ITFG2: variants seen among roughly 807,000 people sequenced by gnomAD.
ITFG2 encodes the protein KICSTOR complex protein ITFG2.
In ITFG2, 36 loss-of-function variants were observed where a neutral mutation model predicts 54.4. That is an observed-to-expected ratio of 0.66 (90% CI 0.51 to 0.87). The LOEUF is 0.87. Among genes scored for constraint, ITFG2 ranks in the 40% least tolerant of loss-of-function variants. The probability of loss-of-function intolerance (pLI) is 0.00; values close to 1 mark genes in which losing one functional copy is unlikely to be tolerated. For synonymous variants in ITFG2, 211 were observed against 225.4 expected (o/e 0.94, Z 0.57); for missense variants, 524 against 576.7 (o/e 0.91, Z 0.94).
downstream of ITFG2, among the ~76,000 whole-genome samples, chr12:2,829,970 AG>A (rs1313872526): frequency 7.3e-6 from 1 of 136,264 alleles, no homozygotes; most frequent in Non-Finnish European, 1.6e-5. Flanking sequence ...CCAGCTACTT[AG>A]GAGGCTGAGG....
chr12:2,823,075 GGTGAGTGATGTAAGTCTTCATTCACC>G (rs2097951174), intron 10 of ITFG2, among the ~76,000 whole-genome samples, 164 bp downstream of exon 10: 1 of 151,940 alleles, frequency 6.6e-6, no homozygotes, highest in Non-Finnish European at 1.5e-5. Flanking sequence ...GGGGGTGAGG[GGTGAGTGATGTAAGTCTTCATTCACC>G]GTGAGTTCTT....
chr12:2,834,535 A>ACCC, upstream of ITFG2: 1 of 1,447,086 alleles, frequency 6.9e-7, no homozygotes, highest in Non-Finnish European at 9.2e-7. Context: ...AGGGAGCGGG[A>ACCC]CCTGAAAGCT....
At chr12:2,858,060 ACT>A (rs2098094629) in exon 3 of ITFG2, 1 of 152,608 alleles carries the variant, frequency 6.6e-6, no homozygotes, top group African/African-American at 2.4e-5. Flanking sequence ...GGCAAAAAGG[ACT>A]CTGGCAAGCA....
intron 1 of ITFG2, among the ~76,000 whole-genome samples, chr12:2,837,441 G>A (rs1041802701): frequency 4.9e-4 from 75 of 151,916 alleles, no homozygotes; most frequent in African/African-American, 1.8e-3. Flanking sequence ...TCACGCCACT[G>A]CACTCCAGCC....
intron 2 of ITFG2, chr12:2,857,206 G>C (rs1416259645): frequency 3.2e-6 from 2 of 624,484 alleles, no homozygotes; most frequent in Non-Finnish European, 5.7e-6. Context: ...AGGTTAGACA[G>C]GCAGGGGATA....
At chr12:2,837,194 A>G in intron 1 of ITFG2, among the ~76,000 whole-genome samples, 1 of 152,120 alleles carries the variant, frequency 6.6e-6, no homozygotes. Context: ...TTAGCTGGGC[A>G]TGGCCGGGCG....
intron 2 of ITFG2, among the ~76,000 whole-genome samples, chr12:2,846,702 TC>T (rs2098054295): frequency 6.6e-6 from 1 of 151,616 alleles, no homozygotes; most frequent in South Asian, 2.1e-4. Flanking sequence ...GCCCTGGCAC[TC>T]CCGTGGAGCA....
chr12:2,820,158 T>G lies in ITFG2; in HGVS notation c.479T>G (p.Leu160Arg). 6.2e-7 allele frequency: 1 copy of G among 1,613,868 alleles called. No homozygotes were observed. Among genetic ancestry groups the G allele is most frequent in the African/African-American group, 1.3e-5 (1 of 74,998 alleles). Reference protein sequence around the residue: ...RVVRAFRWEELGEGPEHLTGQ... With the variant: ...RVVRAFRWEERGEGPEHLTGQ... The stretch of plus-strand genomic sequence containing the variant: ...GTGCGAGCTTTCCGCTGGGAGGAGC[T>G]AGGTGAGGGTCCTGAACATCTGACA... Residue 160 changes from leucine to arginine, a missense_variant, in exon 5 of 12, where the codon CTA (leucine) becomes CGA (arginine). Leu to Arg is a moderately radical substitution (Grantham distance 102). Coordinates refer to ENST00000228799, the MANE Select transcript of ITFG2 (RefSeq NM_018463.4).
Position 2,817,967 on chromosome 12 carries a change from AC to A in ITFG2, c.234+19del. The A allele has an allele frequency of 6.2e-7, 1 of 1,612,960 alleles. No homozygotes were observed. On this transcript the variant is annotated intron_variant, in intron 3 of 11. Coordinates refer to ENST00000228799, the MANE Select transcript of ITFG2 (RefSeq NM_018463.4). The stretch of plus-strand genomic sequence containing the variant: ...AAAGGAAAGGTAAGAACTATAGGGG[AC>A]CTTCCTTGGTTCTTAGCTCACAGTG...
intron 6 of ITFG2, 83 bp from the exon 7 acceptor site, chr12:2,821,179 T>C (rs928887537): frequency 5.5e-6 from 6 of 1,083,422 alleles, no homozygotes; most frequent in Non-Finnish European, 6.9e-6. Flanking sequence ...TCCCAGAAGC[T>C]CTTGCAGGGA....
chr12:2,829,798 A>G (rs2097990964), downstream of ITFG2, among the ~76,000 whole-genome samples: 1 of 149,238 alleles, frequency 6.7e-6, no homozygotes, highest in East Asian at 2.0e-4. Context: ...GGAAAAGTCG[A>G]GGGGTGCGGT....
chr12:2,817,614 C>A, intron 2 of ITFG2: 1 of 512,594 alleles, frequency 2.0e-6, no homozygotes, highest in East Asian at 3.0e-5. Flanking sequence ...AAAATGGGGG[C>A]AATAATTTGA....
chr12:2,854,873 T>C, intron 2 of ITFG2: 1 of 1,512,686 alleles, frequency 6.6e-7, no homozygotes, highest in Non-Finnish European at 8.8e-7. Context: ...CTGGGTGGGC[T>C]CCCTGAGGAG....
intron 2 of ITFG2, chr12:2,830,735 C>A (rs775325636): frequency 6.2e-7 from 1 of 1,613,252 alleles, no homozygotes; most frequent in Admixed American, 1.7e-5. Context: ...GAGCTGGAAT[C>A]TCTGTCCTGC....
At chr12:2,848,192 G>A (rs1206273732) in intron 2 of ITFG2, among the ~76,000 whole-genome samples, 1 of 152,202 alleles carries the variant, frequency 6.6e-6, no homozygotes, top group Non-Finnish European at 1.5e-5. Flanking sequence ...GAGAGAAATG[G>A]AGACAAAGAA....
At chr12:2,847,462 TC>T (rs2098056263) in intron 2 of ITFG2, among the ~76,000 whole-genome samples, 1 of 151,934 alleles carries the variant, frequency 6.6e-6, no homozygotes, top group African/African-American at 2.4e-5. Context: ...GGTCAGGAGA[TC>T]GAGCCCATCC....
chr12:2,853,310 T>A (rs1603491554), intron 2 of ITFG2, among the ~76,000 whole-genome samples: 1 of 152,004 alleles, frequency 6.6e-6, no homozygotes, highest in African/African-American at 2.4e-5. Context: ...AGTCTCGCTC[T>A]TGTCACCCAG....
downstream of ITFG2, among the ~76,000 whole-genome samples, chr12:2,829,438 TA>T (rs2097988648): frequency 6.6e-6 from 1 of 152,186 alleles, no homozygotes; most frequent in Admixed American, 6.5e-5. Context: ...AAGTATAATA[TA>T]ACTCTACTAT....
At position 2,859,180 on chromosome 12, in the gene ITFG2, G is replaced by T. The variant is rs144159370; in HGVS notation, n.621-354G>T. The T allele has an allele frequency of 1.0e-4, 165 of 1,609,924 alleles. No homozygotes were observed. The African/African-American group carries it at 2.0e-3, about 20-fold the overall frequency. On this transcript the variant is annotated intron_variant and non_coding_transcript_variant, in intron 3 of 3. Transcript: ENST00000537710. ...TGGGAGTAGCTGAGCTGGGAGGCAG[G>T]GTCAGAGGAGTCTGCTGGGAACGGG...
Sources: gnomAD v4.1 joint callset for allele counts (sites outside exome capture counted in the v4.1 genomes callset) on GRCh38, gnomAD v4.1.1 for gene constraint, MANE v1.5 for transcripts, NCBI Gene and HGNC (gene_info 2026-07-23, HGNC 2026-07-21) for gene names.